The following MUC6 variants were observed in gnomAD, a reference collection of about 807,000 sequenced individuals.
MUC6 encodes mucin 6, oligomeric mucus/gel-forming (gene/pseudogene).
A neutral mutation model predicts 201.5 loss-of-function variants in MUC6; 188 were observed. The observed-to-expected ratio is 0.93, with a 90% confidence interval of 0.83 to 1.05. The LOEUF (loss-of-function observed/expected upper bound fraction) is 1.05, where lower values mean the gene tolerates loss of function less well. MUC6 is among the 50% of genes least tolerant of loss of function. The probability of loss-of-function intolerance (pLI) is 0.00; values close to 1 mark genes in which losing one functional copy is unlikely to be tolerated. For synonymous variants in MUC6, 1,228 were observed against 1,389.4 expected, an observed-to-expected ratio of 0.88 and a Z score of 2.58; for missense variants, 2,706 against 3,256.9, an observed-to-expected ratio of 0.83 and a Z score of 4.12.
chr11:1,015,119 A>G (rs1433136141), intron 31 of MUC6, among the ~76,000 whole-genome samples: 2 of 152,130 alleles, frequency 1.3e-5, no homozygotes, highest in African/African-American at 4.8e-5. Flanking sequence ...CTGGAACGCG[A>G]GGTGAGGTGA....
Position 1,024,884 on chromosome 11 carries a change from C to T in MUC6, c.3185G>A (p.Ser1062Asn), listed in dbSNP as rs753344540. The T allele has an allele frequency of 1.1e-5, 18 of 1,612,608 alleles. No individual in the cohort carries two copies. Among genetic ancestry groups the T allele is most frequent in the Admixed American group, 3.3e-5 (2 of 60,030 alleles). ...FRRSWAERKC[S>N]VINSQTFATC... Reference sequence around the variant, plus strand: ...GGCAAAGGTCTGGCTGTTGATGACGCTGCACTTGCGCTCGGCCCAGGAGCG... The same window carrying T: ...GGCAAAGGTCTGGCTGTTGATGACGTTGCACTTGCGCTCGGCCCAGGAGCG... The change falls in exon 24 of 33, where the codon AGC (serine) becomes AAC (asparagine). Residue 1062 changes from serine (S) to asparagine (N), a missense_variant. Around this residue, in one of 10 missense-constraint regions of MUC6, gnomAD observed 1,850 missense variants for 1,958.3 expected, o/e 0.94. Coordinates refer to ENST00000421673, the MANE Select transcript of MUC6 (RefSeq NM_005961.3).
intron 22 of MUC6, 24 bp downstream of exon 22, chr11:1,025,781 G>T (rs779650623): frequency 3.1e-6 from 5 of 1,594,758 alleles, no homozygotes; most frequent in Admixed American, 1.7e-5. Flanking sequence ...GTCCTGCCCT[G>T]CCAGAGTCTG....
intron 24 of MUC6, among the ~76,000 whole-genome samples, chr11:1,024,359 G>A (rs973643878): frequency 3.3e-5 from 5 of 152,196 alleles, no homozygotes; most frequent in Admixed American, 6.5e-5. Flanking sequence ...CGCTAACCAC[G>A]GCCACTGCAG....
chr11:1,020,294 C>T (rs1411554585), intron 28 of MUC6, 37 bp from the exon 29 acceptor site: 18 of 1,569,846 alleles, frequency 1.1e-5, no homozygotes, highest in Non-Finnish European at 1.4e-5. Context: ...CTGCAGGGTA[C>T]CGGCATATCC....
chr11:1,034,011 C>T (rs571391881), intron 1 of MUC6, among the ~76,000 whole-genome samples: 1 of 152,298 alleles, frequency 6.6e-6, no homozygotes, highest in African/African-American at 2.4e-5. Flanking sequence ...GCTCTCACCC[C>T]AGGCTCTGCC....
intron 31 of MUC6, among the ~76,000 whole-genome samples, chr11:1,014,945 C>T (rs556907591): frequency 5.3e-5 from 8 of 152,340 alleles, no homozygotes; most frequent in African/African-American, 1.7e-4. Context: ...GGGAGGGACC[C>T]GAACCAAGAT....
At position 1,027,701 on chromosome 11, in the gene MUC6, GCTT is replaced by G. The variant is rs780541523; in HGVS notation, c.1962_1964del (p.Arg654del). 37 of 1,602,252 alleles carry G rather than the reference GCTT, an allele frequency of 2.3e-5. 2 individuals carry two copies. The South Asian group carries it at 4.1e-4, about 18-fold the overall frequency. ...GGCACTCACTGCAGTTGTCCACACT[GCTT>G]CTCCAGCCCCAGAGCAGGACGCCCC... On this transcript the variant is annotated inframe_deletion, in exon 16 of 33. Transcript: ENST00000421673.
In MUC6 at chr11:1,030,600, G is replaced by T. The variant is rs201798430; in HGVS notation, c.865C>A (p.Arg289Ser). 15 of 1,528,160 alleles carry T rather than the reference G, an allele frequency of 9.8e-6. No individual in the cohort carries two copies. In the South Asian group the frequency reaches 1.8e-4, roughly 19 times the overall value. 94.7% of individuals were successfully genotyped at this position (1,528,160 alleles called of 1,614,324 possible). A position where few individuals can be genotyped will look rare whatever the true frequency, so the allele number is the denominator to read the frequency against. The part of the protein sequence containing the change: ...RQCSMVGQPV[R>S]RWRSPGLCSV... ...CACAGGCCGGGGCTCCGCCAGCGGC[G>T]GACCGGCTGGCCCACCATGCTGCAC... The change falls in exon 7 of 33, where the codon CGC becomes AGC. Residue 289 changes from arginine to serine, a missense_variant. By Grantham distance (110) the Arg-to-Ser change is moderately radical. Transcript: ENST00000421673.
At chr11:1,022,926 ATG>A (rs1182668764) in intron 26 of MUC6, among the ~76,000 whole-genome samples, 5 of 151,048 alleles carry the variant, frequency 3.3e-5, no homozygotes, top group African/African-American at 9.8e-5. Flanking sequence ...GCATGAGTGA[ATG>A]TGCGTGAGTG....
rs1002029756 is a variant in MUC6 at position 1,013,379 on chromosome 11, C to T, written c.*77G>A. 67 of 1,419,216 alleles carry T rather than the reference C, an allele frequency of 4.7e-5. No individual in the cohort carries two copies. The highest frequency in any genetic ancestry group is 2.0e-4 in the African/African-American group (14 of 69,770). 87.9% of individuals were successfully genotyped at this position (1,419,216 alleles called of 1,614,324 possible). A position where few individuals can be genotyped will look rare whatever the true frequency, so the allele number is the denominator to read the frequency against. On this transcript the variant is annotated 3_prime_UTR_variant, in exon 33 of 33. Transcript: ENST00000421673. The stretch of plus-strand genomic sequence containing the variant: ...CCAGGAAAGCAGCTGCTGGCACAAG[C>T]GGGAAGGGGGCTGGTGGGTGTTTTC...
In MUC6 at chr11:1,031,155, C is replaced by A; in HGVS notation, c.574+14G>T. 1 of 1,541,172 alleles carries A rather than the reference C, an allele frequency of 6.5e-7. No individual in the cohort carries two copies. Among genetic ancestry groups the A allele is most frequent in the Admixed American group, 2.0e-5 (1 of 51,014 alleles). ...AGGCCCCCCCAGAGGCCCCCCAGCC[C>A]TGCCCCCACCTACCCTCCTCACTGA... On this transcript the variant is annotated intron_variant, in intron 5 of 32. Transcript: ENST00000421673.
In MUC6 at chr11:1,027,494, TG is replaced by T; in HGVS notation, c.2004del (p.Thr669ProfsTer41). ...DNCTIPCTGN[T>X]TFSYNSQACE... ...CAGGCTTGGCTGTTGTAGCTGAAGGTGGTGTTACCCGTGCAGGGGATGGCTG... is the reference window on the plus strand; with the variant it reads ...CAGGCTTGGCTGTTGTAGCTGAAGGTGTGTTACCCGTGCAGGGGATGGCTG... On this transcript the variant is annotated frameshift_variant, in exon 17 of 33. Coordinates refer to ENST00000421673, the MANE Select transcript of MUC6 (RefSeq NM_005961.3). LOFTEE classifies it high-confidence loss of function. The T allele has an allele frequency of 6.2e-7, 1 of 1,612,172 alleles. No individual in the cohort carries two copies. Among genetic ancestry groups the T allele is most frequent in the Non-Finnish European group, 8.5e-7 (1 of 1,179,702 alleles).
In MUC6 at chr11:1,016,255, T is replaced by C. The variant is rs1464450874; in HGVS notation, c.6546A>G (p.Ser2182=). 3.7e-6 allele frequency: 6 copies of C among 1,612,354 alleles called. No homozygotes were observed. In the African/African-American group the frequency reaches 5.4e-5, roughly 14 times the overall value. ...STTLSSGSHS[S]LSTHPTTASV... ...ATGCAGTCGTGGGATGAGTGGACAA[T>C]GAGGAGTGTGACCCCGAGCTCAGGG... Residue 2182 remains serine, a synonymous_variant, in exon 31 of 33, where the codon TCA becomes TCG. Transcript: ENST00000421673.
At chr11:1,023,883 G>C (rs994013931) in intron 25 of MUC6, 64 bp downstream of exon 25, 2 of 1,569,426 alleles carry the variant, frequency 1.3e-6, no homozygotes, top group Non-Finnish European at 1.7e-6. Context: ...GCAGCCCTGC[G>C]CCGGCCCTTA....
Position 1,028,947 on chromosome 11 carries a change from G to C in MUC6, c.1395C>G (p.Ile465Met). The change falls in exon 12 of 33, where the codon ATC becomes ATG. Residue 465 changes from isoleucine to methionine, a missense_variant. Around this residue, in one of 10 missense-constraint regions of MUC6, gnomAD observed 1,850 missense variants for 1,958.3 expected, o/e 0.94. Transcript: ENST00000421673. Reference sequence around the variant, plus strand: ...TGTTGGTGACCACCTCGTCCTGAGAGATCACAATTTTGTCCTGGAGAGAGG... The same window carrying C: ...TGTTGGTGACCACCTCGTCCTGAGACATCACAATTTTGTCCTGGAGAGAGG... ...VYLSRQDKIVISQDEVVTNNG... is the reference protein window; with the variant it reads ...VYLSRQDKIVMSQDEVVTNNG... The C allele has an allele frequency of 6.2e-7, 1 of 1,613,140 alleles. No individual in the cohort carries two copies. Among genetic ancestry groups the C allele is most frequent in the Non-Finnish European group, 8.5e-7 (1 of 1,179,890 alleles).
Position 1,016,636 on chromosome 11 carries a change from T to G in MUC6, c.6165A>C (p.Thr2055=). The change falls in exon 31 of 33, where the codon ACA becomes ACC. Residue 2055 remains threonine, a synonymous_variant. Transcript: ENST00000421673. ...TTGGTGGGGCTGTGTGGGTGGACCC[T>G]GTGGCCTTGAGCGTTGTTGGTGGAG... ...TVPPPTTLKA[T]GSTHTAPPMT... 3 of 1,614,118 alleles carry G rather than the reference T, an allele frequency of 1.9e-6. No individual in the cohort carries two copies. Among genetic ancestry groups the G allele is most frequent in the African/African-American group, 1.3e-5 (1 of 75,088 alleles).
chr11:1,031,992 G>A lies in MUC6; in HGVS notation c.177C>T (p.His59=), dbSNP rs768232143. The change falls in exon 3 of 33, where the codon CAC becomes CAT. Residue 59 remains histidine, a synonymous_variant. Transcript: ENST00000421673. ...TGCACGTCCCCGAGAAGTCGTACAC[G>A]TGGTGGTCGAAGGTGGAGAAGTGAC... is the stretch of plus-strand genomic sequence containing the variant. The part of the protein sequence containing the change: ...GAGHFSTFDH[H]VYDFSGTCNY... 13 of 1,613,474 alleles carry A rather than the reference G, an allele frequency of 8.1e-6. No homozygotes were observed. Among genetic ancestry groups the A allele is most frequent in the South Asian group, 1.1e-5 (1 of 91,080 alleles).
Position 1,026,314 on chromosome 11 carries a change from G to C in MUC6, c.2546+13C>G. 1 of 1,565,186 alleles carries C rather than the reference G, an allele frequency of 6.4e-7. No individual in the cohort carries two copies. Among genetic ancestry groups the C allele is most frequent in the South Asian group, 1.2e-5 (1 of 85,422 alleles). ...CAGGAGCCCAGGGCGTCTGAAGCGA[G>C]GCTTTGTCTCACCAGGTCCTGCAGT... On this transcript the variant is annotated intron_variant, in intron 20 of 32. Coordinates refer to ENST00000421673, the MANE Select transcript of MUC6 (RefSeq NM_005961.3).
rs894129882 is a variant in MUC6, at chr11:1,015,983, G to T, written c.6818C>A (p.Ser2273Tyr). ...GGGAACTCGGGTGGTGAGAGAAGTGGACCGCGAGGTGGTGGACTGAGAGGA... is the reference window on the plus strand; with the variant it reads ...GGGAACTCGGGTGGTGAGAGAAGTGTACCGCGAGGTGGTGGACTGAGAGGA... The part of the protein sequence containing the change: ...AFSSQSTTSR[S>Y]TSLTTRVPTS... Residue 2273 changes from serine (S) to tyrosine (Y), a missense_variant, in exon 31 of 33, where the codon TCC (serine) becomes TAC (tyrosine). Around this residue, in one of 10 missense-constraint regions of MUC6, gnomAD observed 586 missense variants for 488.0 expected, o/e 1.20. Coordinates refer to ENST00000421673, the MANE Select transcript of MUC6 (RefSeq NM_005961.3). The T allele has an allele frequency of 1.9e-6, 3 of 1,597,632 alleles. No individual in the cohort carries two copies. The highest frequency in any genetic ancestry group is 2.6e-6 in the Non-Finnish European group (3 of 1,169,764).
Sources: gnomAD v4.1 joint callset for allele counts (sites outside exome capture counted in the v4.1 genomes callset) on GRCh38, gnomAD v4.1.1 for gene constraint, gnomAD v4.1.1 regional missense constraint, MANE v1.5 for transcripts, NCBI Gene and HGNC (gene_info 2026-07-23, HGNC 2026-07-21) for gene names.